The following MAP4K1 variants were observed in gnomAD, a reference collection of about 807,000 sequenced individuals.
MAP4K1 encodes MAPK/ERK kinase kinase kinase 1.
MAP4K1 carries 35 observed loss-of-function variants against 122.8 expected under a neutral mutation model. The observed-to-expected ratio is 0.29, with a 90% CI of 0.22 to 0.38. MAP4K1 has a LOEUF of 0.38. Ranked by LOEUF, MAP4K1 falls within the 10% of genes least tolerant of loss-of-function variation. MAP4K1 has a pLI of 1.00. For synonymous variants in MAP4K1, 412 were observed against 421.3 expected (o/e 0.98, Z 0.27); for missense variants, 791 against 1,072.6 (o/e 0.74, Z 3.67).
chr19:38,602,682 A>G (rs1028804187), intron 19 of MAP4K1, among the ~76,000 whole-genome samples: 42 of 148,264 alleles, frequency 2.8e-4, no homozygotes, highest in Non-Finnish European at 7.4e-5. Flanking sequence ...ATATACGCAT[A>G]TACATATATA....
At chr19:38,592,892 G>C (rs1459252381) in intron 30 of MAP4K1, among the ~76,000 whole-genome samples, 2 of 151,544 alleles carry the variant, frequency 1.3e-5, no homozygotes, top group Non-Finnish European at 2.9e-5. Context: ...ACTCCAGCCT[G>C]GGCAACAAAA....
chr19:38,602,633 T>TAC (rs1213088650), intron 19 of MAP4K1, among the ~76,000 whole-genome samples: 1 of 143,804 alleles, frequency 7.0e-6, no homozygotes. Flanking sequence ...TACATATATA[T>TAC]ACACACCTAT....
In MAP4K1 at chr19:38,597,164, G is replaced by T. The variant is rs747066141; in HGVS notation, c.1838-27C>A. On this transcript the variant is annotated intron_variant, in intron 24 of 30. Transcript: ENST00000396857. This position sits in a 1 kb window ranked among gnomAD's most constrained non-coding sequence, Gnocchi z 4.6. ...TGTGGCATGGGCAAGGATGAGTCAAGATCAATGCCCTCTATCCTCCTCGCC... is the reference window on the plus strand; with the variant it reads ...TGTGGCATGGGCAAGGATGAGTCAATATCAATGCCCTCTATCCTCCTCGCC... 4.3e-6 allele frequency: 7 copies of T among 1,610,056 alleles called. No homozygotes were observed. The highest frequency in any genetic ancestry group is 6.0e-6 in the Non-Finnish European group (7 of 1,176,296).
rs886840819 is a variant in MAP4K1, at chr19:38,588,739, G to A, written c.2397-922C>T. On this transcript the variant is annotated intron_variant, in intron 30 of 30. Coordinates refer to ENST00000396857, the MANE Select transcript of MAP4K1 (RefSeq NM_001042600.3). ...TGCACTCCAGCCTGGGCGACAGAGC[G>A]AGCCTCTGTCTCAAAAAAAAAAAAA... 4.1e-5 allele frequency among the ~76,000 whole-genome samples: 6 copies of A among 147,976 alleles called. No homozygotes were observed. The East Asian group carries it at 6.0e-4, about 15-fold the overall frequency.
At chr19:38,590,690 A>G (rs1974702557) in intron 30 of MAP4K1, among the ~76,000 whole-genome samples, 1 of 151,430 alleles carries the variant, frequency 6.6e-6, no homozygotes, top group African/African-American at 2.4e-5. Flanking sequence ...GGCCAGGCCC[A>G]TCTCCAACTC....
intron 29 of MAP4K1, among the ~76,000 whole-genome samples, chr19:38,593,848 C>T (rs1009829255): frequency 6.6e-6 from 1 of 152,124 alleles, no homozygotes; most frequent in Non-Finnish European, 1.5e-5. Flanking sequence ...GCCACTAACA[C>T]TCCAGTCTGG....
Position 38,593,343 on chromosome 19 carries a change from G to A in MAP4K1, c.2341-6C>T. The A allele has an allele frequency of 1.9e-6, 3 of 1,606,464 alleles. No individual in the cohort carries two copies. The highest frequency in any genetic ancestry group is 2.6e-6 in the Non-Finnish European group (3 of 1,176,264). The stretch of plus-strand genomic sequence containing the variant: ...TCTCTCAGCTCCTGTAGCAGCTAGG[G>A]AAAAAAAGTGTGTGTCTCAGTGCCT... On this transcript the variant is annotated splice_region_variant and splice_polypyrimidine_tract_variant and intron_variant, in intron 29 of 30. Transcript: ENST00000396857.
At chr19:38,603,188 G>GCATATA (rs1448962426) in intron 19 of MAP4K1, among the ~76,000 whole-genome samples, 32 of 117,030 alleles carry the variant, frequency 2.7e-4, no homozygotes, top group African/African-American at 1.0e-3. Flanking sequence ...ACATATATAC[G>GCATATA]CATATACATA....
intron 16 of MAP4K1, among the ~76,000 whole-genome samples, chr19:38,607,037 G>C (rs10413936): frequency 6.6e-5 from 10 of 152,104 alleles, no homozygotes; most frequent in Admixed American, 6.6e-4. Context: ...CAAAAAGATA[G>C]GAAAAGCTGA....
chr19:38,603,176 GTACATATATACGCATA>G (rs893522638), intron 19 of MAP4K1, among the ~76,000 whole-genome samples: 2 of 120,988 alleles, frequency 1.7e-5, no homozygotes, highest in Non-Finnish European at 3.5e-5. Flanking sequence ...ATATACACAT[GTACATATATACGCATA>G]TACATATATA....
At chr19:38,599,370 G>C (rs1568627201) in intron 22 of MAP4K1, among the ~76,000 whole-genome samples, 1 of 137,222 alleles carries the variant, frequency 7.3e-6, no homozygotes, top group Non-Finnish European at 1.5e-5. Flanking sequence ...AAAAAAAAAG[G>C]CTAATCTAAG....
In MAP4K1 at chr19:38,611,231, ACT is replaced by A. The variant is rs1290426431; in HGVS notation, c.728+10_728+11del. Reference sequence around the variant, plus strand: ...GCCCTCTCTCACCCTCCCTCCTGTTACTCTCTCGTACCATTTGCCTTTTTCCT... The same window carrying A: ...GCCCTCTCTCACCCTCCCTCCTGTTACTCTCGTACCATTTGCCTTTTTCCT... On this transcript the variant is annotated intron_variant, in intron 10 of 30. Transcript: ENST00000396857. 13 of 1,610,770 alleles carry A rather than the reference ACT, an allele frequency of 8.1e-6. No individual in the cohort carries two copies. Among genetic ancestry groups the A allele is most frequent in the Non-Finnish European group, 1.0e-5 (12 of 1,177,888 alleles).
In MAP4K1 at chr19:38,607,852, G is replaced by A; in HGVS notation, c.1157+12C>T. ...GTGGGGCCTGTGGAGCTGCAGGCAG[G>A]GCCTCACTTACATGTCCACGTCGTC... On this transcript the variant is annotated intron_variant, in intron 16 of 30. Transcript: ENST00000396857. 1 of 1,610,088 alleles carries A rather than the reference G, an allele frequency of 6.2e-7. No homozygotes were observed. Among genetic ancestry groups the A allele is most frequent in the Non-Finnish European group, 8.5e-7 (1 of 1,178,462 alleles).
At chr19:38,603,139 TATATACAC>T (rs1298290151) in intron 19 of MAP4K1, among the ~76,000 whole-genome samples, 1 of 145,940 alleles carries the variant, frequency 6.9e-6, no homozygotes, top group Non-Finnish European at 1.5e-5. Flanking sequence ...CGCATATACA[TATATACAC>T]ACATATACAT....
rs771567102 is a variant in MAP4K1, at chr19:38,606,243, T to TG, written c.1158-29dup. The stretch of plus-strand genomic sequence containing the variant: ...GAAACACAAAGATGGGTTAAATAGC[T>TG]GGGGGGCTGGGGAACAAGGACTCGG... On this transcript the variant is annotated intron_variant, in intron 16 of 30. Transcript: ENST00000396857. 60 of 1,239,894 alleles carry TG rather than the reference T, an allele frequency of 4.8e-5. No individual in the cohort carries two copies. In the African/African-American group the frequency reaches 6.7e-4, roughly 14 times the overall value. The allele number at this position is 1,239,894 out of a possible 1,614,324, so 76.8% of individuals were successfully genotyped here.
In MAP4K1 at chr19:38,587,893, A is replaced by C. The variant is rs1974572216; in HGVS notation, c.2397-76T>G. 3 of 1,167,280 alleles carry C rather than the reference A, an allele frequency of 2.6e-6. No individual in the cohort carries two copies. The Admixed American group carries it at 5.3e-5, about 21-fold the overall frequency. The allele number at this position is 1,167,280 out of a possible 1,614,324, so 72.3% of individuals were successfully genotyped here. On this transcript the variant is annotated intron_variant, in intron 30 of 30. Transcript: ENST00000396857. ...GATTCATTAATTCACAAAGTAGTTA[A>C]TAGAGACTGTGCCAGCCCCATGCTG...
Position 38,587,646 on chromosome 19 carries a change from G to T in MAP4K1, c.*102C>A. On this transcript the variant is annotated 3_prime_UTR_variant, in exon 31 of 31. Transcript: ENST00000396857. ...CCAAGAAAAACAAGATGACAGCAGA[G>T]GCTAAAGTCATGTTTATTGGGAGAT... The T allele has an allele frequency of 9.8e-7, 1 of 1,017,088 alleles. No homozygotes were observed. The highest frequency in any genetic ancestry group is 1.5e-6 in the Non-Finnish European group (1 of 648,784). 63.0% of individuals were successfully genotyped at this position (1,017,088 alleles called of 1,614,324 possible). A position where few individuals can be genotyped will look rare whatever the true frequency, so the allele number is the denominator to read the frequency against.
At chr19:38,610,689 C>T (rs1256515829) in intron 11 of MAP4K1, among the ~76,000 whole-genome samples, 4 of 151,884 alleles carry the variant, frequency 2.6e-5, no homozygotes, top group African/African-American at 7.3e-5. Flanking sequence ...CCCAGCCGAC[C>T]GGTGGGAGTC....
rs1191239512 is a variant in MAP4K1, at chr19:38,590,386, AAAAAAAAAATATATATATATATAT to A, written c.2397-2593_2397-2570del. ...GATCTTGGACCAGAAAAAAAAAAAA[AAAAAAAAAATATATATATATATAT>A]ATATATATATATATATATATATATA... On this transcript the variant is annotated intron_variant, in intron 30 of 30. Transcript: ENST00000396857. Among the ~76,000 whole-genome samples, 462 of 68,560 alleles carry A rather than the reference AAAAAAAAAATATATATATATATAT, an allele frequency of 6.7e-3. 27 individuals are homozygous for A. The highest frequency in any genetic ancestry group is 0.021 in the South Asian group (37 of 1,786). 45.0% of individuals were successfully genotyped at this position (68,560 alleles called of 152,430 possible).
Sources: allele counts gnomAD v4.1 joint callset (sites outside exome capture counted in the v4.1 genomes callset), GRCh38; gene constraint gnomAD v4.1.1; non-coding constraint Gnocchi (gnomAD v3.1); transcripts MANE v1.5; gene names NCBI Gene and HGNC (gene_info 2026-07-23, HGNC 2026-07-21).